Variants in GRIA1 observed in about 807,000 individuals in gnomAD.
GRIA1 encodes glutamate ionotropic receptor AMPA type subunit 1, also known as glutamate receptor 1.
A neutral mutation model predicts 99.2 loss-of-function variants in GRIA1; 31 were observed. The ratio of observed to expected loss-of-function variants is 0.31; its 90% CI spans 0.23 to 0.42. The LOEUF is 0.42. GRIA1 is among the 10% of genes least tolerant of loss of function. GRIA1 has a pLI of 1.00. For missense variants in GRIA1, 782 were observed against 1,157.5 expected, an observed-to-expected ratio of 0.68 and a Z score of 4.71; for synonymous variants, 438 against 432.4, an observed-to-expected ratio of 1.01 and a Z score of -0.16.
chr5:153,600,536 A>G (rs1764853677), intron 2 of GRIA1, among the ~76,000 whole-genome samples: 1 of 152,150 alleles, frequency 6.6e-6, no homozygotes, highest in African/African-American at 2.4e-5. Flanking sequence ...TGGAAAGTCA[A>G]AGGAGGCACC....
chr5:153,572,196 T>G (rs989743800), intron 2 of GRIA1, among the ~76,000 whole-genome samples: 11 of 152,190 alleles, frequency 7.2e-5, no homozygotes, highest in African/African-American at 2.7e-4. Context: ...GTTTATTCAC[T>G]TCCATTGTCA....
intron 6 of GRIA1, among the ~76,000 whole-genome samples, chr5:153,675,688 T>C (rs755772952): frequency 5.3e-5 from 8 of 152,200 alleles, no homozygotes; most frequent in Admixed American, 2.6e-4. Context: ...CAAACTGATT[T>C]AACTCTTCAA....
At chr5:153,572,750 G>T (rs1300100905) in intron 2 of GRIA1, among the ~76,000 whole-genome samples, 2 of 152,180 alleles carry the variant, frequency 1.3e-5, no homozygotes, top group African/African-American at 4.8e-5. Context: ...CGACTACGCG[G>T]TGAAGGTGAG....
At chr5:153,625,974 C>T (rs1399279716) in intron 2 of GRIA1, among the ~76,000 whole-genome samples, 1 of 152,128 alleles carries the variant, frequency 6.6e-6, no homozygotes, top group Non-Finnish European at 1.5e-5. Flanking sequence ...GTGCCTACGC[C>T]CGTCACTTAG....
chr5:153,740,200 A>T (rs893258092), intron 11 of GRIA1, among the ~76,000 whole-genome samples: 1 of 152,238 alleles, frequency 6.6e-6, no homozygotes, highest in African/African-American at 2.4e-5. Context: ...ATTGCAAAGG[A>T]TTCAAAGTTG....
At chr5:153,543,927 T>C (rs1266874350) in intron 2 of GRIA1, among the ~76,000 whole-genome samples, 1 of 150,678 alleles carries the variant, frequency 6.6e-6, no homozygotes, top group Non-Finnish European at 1.5e-5. Context: ...TATATAGTCC[T>C]GTGGGAAAAA....
intron 11 of GRIA1, among the ~76,000 whole-genome samples, chr5:153,751,554 A>G (rs1762513557): frequency 6.6e-6 from 1 of 152,240 alleles, no homozygotes; most frequent in South Asian, 2.1e-4. Context: ...AACAGCAAAG[A>G]TGAGTAGTGC....
intron 2 of GRIA1, among the ~76,000 whole-genome samples, chr5:153,609,555 C>CTTTTT (rs3036982): frequency 8.3e-5 from 7 of 84,346 alleles, no homozygotes; most frequent in Admixed American, 1.5e-4. Flanking sequence ...AGACTCTTTT[C>CTTTTT]TTTTTTTTTT....
intron 11 of GRIA1, among the ~76,000 whole-genome samples, chr5:153,735,497 A>G (rs1761321715): frequency 2.0e-5 from 3 of 152,166 alleles, no homozygotes. Context: ...ATAACCAATT[A>G]GGTCAGGGGT....
chr5:153,541,951 A>C (rs1348011009), intron 2 of GRIA1, among the ~76,000 whole-genome samples: 3 of 137,858 alleles, frequency 2.2e-5, no homozygotes, highest in African/African-American at 8.2e-5. Context: ...AAAAAAAAAA[A>C]ACAAGAAAAG....
At chr5:153,789,812 G>A (rs1765187681) in intron 13 of GRIA1, among the ~76,000 whole-genome samples, 1 of 152,184 alleles carries the variant, frequency 6.6e-6, no homozygotes, top group Non-Finnish European at 1.5e-5. Flanking sequence ...CATAAGTGCT[G>A]GGGCTAAGAT....
rs201229312 is a variant in GRIA1, at chr5:153,674,542, G to T, written c.742G>T (p.Ala248Ser). The T allele has an allele frequency of 6.2e-7, 1 of 1,614,062 alleles. No homozygotes were observed. ...CTTAAACAAATTCAAGGAGAGTGGCGCCAATGTGACAGGTTTCCAGCTGGT... is the reference window on the plus strand; with the variant it reads ...CTTAAACAAATTCAAGGAGAGTGGCTCCAATGTGACAGGTTTCCAGCTGGT... ...IDLNKFKESG[A>S]NVTGFQLVNY... Residue 248 changes from alanine (A) to serine (S), a missense_variant, in exon 6 of 16, where the codon GCC (alanine) becomes TCC (serine). Ala to Ser is a moderately conservative substitution (Grantham distance 99). Coordinates refer to ENST00000285900, the MANE Select transcript of GRIA1 (RefSeq NM_000827.4).
chr5:153,579,899 A>AC (rs199961790), intron 2 of GRIA1, among the ~76,000 whole-genome samples: 16,059 of 137,464 alleles, frequency 0.12, 944 homozygotes, highest in South Asian at 0.25. Flanking sequence ...AAACAAACAA[A>AC]AAAAAAAAAA....
At chr5:153,502,601 T>C (rs1430901614) in intron 2 of GRIA1, among the ~76,000 whole-genome samples, 1 of 152,166 alleles carries the variant, frequency 6.6e-6, no homozygotes, top group Non-Finnish European at 1.5e-5. Context: ...TTGCCATTGA[T>C]GTATGAGCCT....
At chr5:153,554,981 C>T (rs1162834244) in intron 2 of GRIA1, among the ~76,000 whole-genome samples, 3 of 152,134 alleles carry the variant, frequency 2.0e-5, no homozygotes, top group Non-Finnish European at 4.4e-5. Context: ...CATACTTCTA[C>T]TCAGCTCAGA....
intron 2 of GRIA1, among the ~76,000 whole-genome samples, chr5:153,586,547 C>T (rs1484419394): frequency 6.6e-6 from 1 of 152,156 alleles, no homozygotes; most frequent in African/African-American, 2.4e-5. Flanking sequence ...TCTTGAAGAG[C>T]TCAAAGTCTA....
chr5:153,502,727 A>G (rs1755125687), intron 2 of GRIA1, among the ~76,000 whole-genome samples: 1 of 152,180 alleles, frequency 6.6e-6, no homozygotes, highest in Non-Finnish European at 1.5e-5. Context: ...CAAATGAGGC[A>G]GTTGGAGGCT....
intron 1 of GRIA1, chr5:153,492,425 T>A: frequency 2.0e-6 from 2 of 994,658 alleles, no homozygotes; most frequent in Non-Finnish European, 2.7e-6. Context: ...CCTTTCTCTT[T>A]CATTCATTGC....
chr5:153,790,607 G>A (rs1380948010), intron 13 of GRIA1, among the ~76,000 whole-genome samples: 1 of 152,096 alleles, frequency 6.6e-6, no homozygotes, highest in East Asian at 1.9e-4. Context: ...ACAGCAATGT[G>A]TCTAAATTCA....
Sources: gnomAD v4.1 joint callset for allele counts (sites outside exome capture counted in the v4.1 genomes callset) on GRCh38, gnomAD v4.1.1 for gene constraint, MANE v1.5 for transcripts, NCBI Gene and HGNC (gene_info 2026-07-23, HGNC 2026-07-21) for gene names.